The following CNTNAP4 variants were observed in gnomAD, a reference collection of about 807,000 sequenced individuals.
CNTNAP4 encodes the protein contactin associated protein family member 4.
In CNTNAP4, 98 loss-of-function variants were observed where a neutral mutation model predicts 148.4. The observed-to-expected ratio is 0.66, with a 90% CI of 0.56 to 0.78. The LOEUF (loss-of-function observed/expected upper bound fraction) is 0.78. CNTNAP4 is among the 30% of genes least tolerant of loss of function. The pLI, the probability that CNTNAP4 is intolerant of heterozygous loss-of-function variation, is 0.00. For synonymous variants in CNTNAP4, 730 were observed against 565.1 expected, an observed-to-expected ratio of 1.29 and a Z score of -4.14; for missense variants, 1,935 against 1,565.6, an observed-to-expected ratio of 1.24 and a Z score of -3.98.
intron 3 of CNTNAP4, among the ~76,000 whole-genome samples, chr16:76,369,312 G>T (rs2014525520): frequency 6.6e-6 from 1 of 152,038 alleles, no homozygotes; most frequent in Non-Finnish European, 1.5e-5. Flanking sequence ...CACACCCATG[G>T]TATTATGGTT....
At chr16:76,432,123 A>T (rs2145082196) in intron 4 of CNTNAP4, among the ~76,000 whole-genome samples, 1 of 152,288 alleles carries the variant, frequency 6.6e-6, no homozygotes, top group East Asian at 1.9e-4. Flanking sequence ...ATGGGAATGC[A>T]TTTCCGTCAT....
At chr16:76,285,579 A>C (rs1020903196) in intron 1 of CNTNAP4, among the ~76,000 whole-genome samples, 1 of 152,038 alleles carries the variant, frequency 6.6e-6, no homozygotes, top group African/African-American at 2.4e-5. Flanking sequence ...TTCTGTAACC[A>C]TTTTCTTCCC....
At chr16:76,474,442 G>A (rs1405440015) in intron 10 of CNTNAP4, among the ~76,000 whole-genome samples, 2 of 152,016 alleles carry the variant, frequency 1.3e-5, no homozygotes, top group Non-Finnish European at 2.9e-5. Context: ...GGGAATGTTA[G>A]TACCATTTTA....
rs150000540 is a variant in CNTNAP4, at chr16:76,532,141, G to A, written c.2756-3404G>A. Among the ~76,000 whole-genome samples, 379 of 152,224 alleles carry A rather than the reference G, an allele frequency of 2.5e-3. 3 individuals carry two copies. The highest frequency in any genetic ancestry group is 8.7e-3 in the African/African-American group (363 of 41,530). ...TTTCATATAGTTTCATACCTTCAGTGCCCAGAAAGAGCTGCTAAATAAAGC... is the reference window on the plus strand; with the variant it reads ...TTTCATATAGTTTCATACCTTCAGTACCCAGAAAGAGCTGCTAAATAAAGC... On this transcript the variant is annotated intron_variant, in intron 17 of 23. Coordinates refer to ENST00000611870, the MANE Select transcript of CNTNAP4 (RefSeq NM_033401.5).
intron 4 of CNTNAP4, among the ~76,000 whole-genome samples, chr16:76,446,673 A>G (rs937814341): frequency 2.6e-5 from 4 of 152,290 alleles, no homozygotes; most frequent in East Asian, 3.9e-4. Flanking sequence ...CTTTCCAACA[A>G]TGTCCTTGAG....
chr16:76,277,928 G>C (rs565806831), intron 1 of CNTNAP4, among the ~76,000 whole-genome samples, 181 bp downstream of exon 1: 2 of 152,278 alleles, frequency 1.3e-5, no homozygotes, highest in African/African-American at 4.8e-5. Flanking sequence ...TCTTGGTCTG[G>C]TCAAAATAGG....
chr16:76,380,615 C>T (rs1367394678), intron 3 of CNTNAP4, among the ~76,000 whole-genome samples: 3 of 151,996 alleles, frequency 2.0e-5, no homozygotes, highest in African/African-American at 4.8e-5. Flanking sequence ...TAAATGTGAT[C>T]GGGGGAGTGG....
chr16:76,439,492 T>C (rs2079957124), intron 4 of CNTNAP4, among the ~76,000 whole-genome samples: 1 of 152,144 alleles, frequency 6.6e-6, no homozygotes, highest in South Asian at 2.1e-4. Flanking sequence ...GTGACTTCTG[T>C]GACATTGCAA....
At chr16:76,523,222 A>G (rs377098422) in intron 17 of CNTNAP4, among the ~76,000 whole-genome samples, 1,933 of 150,978 alleles carry the variant, frequency 0.013, 51 homozygotes, top group African/African-American at 0.045. Flanking sequence ...GATGCCAAAC[A>G]TTGAACACTC....
chr16:76,410,414 C>G (rs1222979408), intron 3 of CNTNAP4, among the ~76,000 whole-genome samples: 1 of 151,706 alleles, frequency 6.6e-6, no homozygotes, highest in African/African-American at 2.4e-5. Flanking sequence ...TTTCATTTAT[C>G]TATATCAAGA....
chr16:76,522,190 A>G lies in CNTNAP4; in HGVS notation c.2688A>G (p.Thr896=), dbSNP rs2083482623. ...KEASLQVDQL[T]PKTQPAPADG... ...CCTCCCTTCAAGTGGATCAGCTGAC[A>G]CCAAAGACACAGCCCGCCCCCGCTG... Residue 896 remains threonine, a synonymous_variant, in exon 17 of 24, where the codon ACA becomes ACG. Coordinates refer to ENST00000611870, the MANE Select transcript of CNTNAP4 (RefSeq NM_033401.5). 1.2e-6 allele frequency: 2 copies of G among 1,613,870 alleles called. No individual in the cohort carries two copies. The highest frequency in any genetic ancestry group is 1.7e-5 in the Admixed American group (1 of 59,974).
At chr16:76,526,746 T>C (rs2083750598) in intron 17 of CNTNAP4, among the ~76,000 whole-genome samples, 3 of 152,180 alleles carry the variant, frequency 2.0e-5, no homozygotes, top group Non-Finnish European at 4.4e-5. Flanking sequence ...TGCTCACTGC[T>C]AACTGCATCC....
chr16:76,339,551 T>G (rs1400231755), intron 2 of CNTNAP4, among the ~76,000 whole-genome samples: 1 of 152,196 alleles, frequency 6.6e-6, no homozygotes, highest in Non-Finnish European at 1.5e-5. Flanking sequence ...CAAAACTATT[T>G]CTTAGAAAAG....
chr16:76,391,831 G>C (rs34547729), intron 3 of CNTNAP4, among the ~76,000 whole-genome samples: 15 of 152,182 alleles, frequency 9.9e-5, no homozygotes, highest in Admixed American at 9.8e-4. Context: ...TGCTTCAGAC[G>C]TCTTGAGTCA....
intron 17 of CNTNAP4, among the ~76,000 whole-genome samples, chr16:76,529,438 A>G (rs554944649): frequency 7.9e-4 from 120 of 152,360 alleles, no homozygotes; most frequent in Admixed American, 2.0e-3. Context: ...GTCCAGCCAC[A>G]GAAATGATGG....
chr16:76,311,641 A>G (rs1567659535), intron 1 of CNTNAP4, among the ~76,000 whole-genome samples: 1 of 152,234 alleles, frequency 6.6e-6, no homozygotes, highest in Non-Finnish European at 1.5e-5. Context: ...ATAAAATGTA[A>G]TACAATGTTG....
intron 4 of CNTNAP4, among the ~76,000 whole-genome samples, chr16:76,433,457 G>A (rs894410339): frequency 2.0e-5 from 3 of 152,030 alleles, no homozygotes; most frequent in African/African-American, 7.2e-5. Flanking sequence ...TAATAGGAAT[G>A]TATACTTTAT....
At chr16:76,435,463 G>C (rs527870382) in intron 4 of CNTNAP4, among the ~76,000 whole-genome samples, 1 of 152,126 alleles carries the variant, frequency 6.6e-6, no homozygotes, top group Non-Finnish European at 1.5e-5. Flanking sequence ...GCCACCTCAG[G>C]ATCCAGTTAT....
In CNTNAP4 at chr16:76,402,843, T is replaced by G. The variant is rs963645090; in HGVS notation, c.391-24609T>G. Among the ~76,000 whole-genome samples, 3 of 151,938 alleles carry G rather than the reference T, an allele frequency of 2.0e-5. No homozygotes were observed. In the East Asian group the frequency reaches 5.8e-4, roughly 29 times the overall value. On this transcript the variant is annotated intron_variant, in intron 3 of 23. Coordinates refer to ENST00000611870, the MANE Select transcript of CNTNAP4 (RefSeq NM_033401.5). ...AGAATGGTGTTTAATTTCCATGTAATTGCATGGTTTTGAGCGATTTTTGTC... is the reference window on the plus strand; with the variant it reads ...AGAATGGTGTTTAATTTCCATGTAAGTGCATGGTTTTGAGCGATTTTTGTC...
Sources: gnomAD v4.1 joint callset for allele counts (sites outside exome capture counted in the v4.1 genomes callset) on GRCh38, gnomAD v4.1.1 for gene constraint, MANE v1.5 for transcripts, NCBI Gene and HGNC (gene_info 2026-07-23, HGNC 2026-07-21) for gene names.